Variants in CAMK4 observed in about 807,000 individuals in gnomAD.
CAMK4 encodes the protein calcium/calmodulin dependent protein kinase IV, also known as calcium/calmodulin-dependent protein kinase type IV.
In CAMK4, 22 loss-of-function variants were observed where a neutral mutation model predicts 44.9. The observed-to-expected ratio is 0.49, with a 90% CI of 0.35 to 0.70. The LOEUF is 0.70. Among genes scored for constraint, CAMK4 ranks in the 30% least tolerant of loss-of-function variants. CAMK4 has a pLI of 0.01. For synonymous variants in CAMK4, 218 were observed against 215.4 expected, an observed-to-expected ratio of 1.01 and a Z score of -0.11; for missense variants, 498 against 586.8, an observed-to-expected ratio of 0.85 and a Z score of 1.56.
chr5:111,289,007 T>A (rs1310487592), intron 1 of CAMK4, among the ~76,000 whole-genome samples: 1 of 152,176 alleles, frequency 6.6e-6, no homozygotes, highest in East Asian at 1.9e-4. Flanking sequence ...TGGGTACTGG[T>A]GGTTTAGCCT....
At chr5:111,384,524 T>C (rs1052479218) in intron 4 of CAMK4, among the ~76,000 whole-genome samples, 1 of 152,168 alleles carries the variant, frequency 6.6e-6, no homozygotes, top group Non-Finnish European at 1.5e-5. Flanking sequence ...CTACTAGGCT[T>C]CTCACCAAGT....
At chr5:111,405,500 T>G (rs1290833007) in intron 5 of CAMK4, among the ~76,000 whole-genome samples, 1 of 152,132 alleles carries the variant, frequency 6.6e-6, no homozygotes, top group East Asian at 1.9e-4. Flanking sequence ...AGACGAAGTT[T>G]ATTGTTTAAT....
chr5:111,330,078 T>G (rs1175838460), intron 1 of CAMK4, among the ~76,000 whole-genome samples: 1 of 128,514 alleles, frequency 7.8e-6, no homozygotes, highest in Non-Finnish European at 1.7e-5. Context: ...GTCCTCAGAA[T>G]TCTACTCCCC....
At chr5:111,433,032 G>T (rs374230204) in intron 5 of CAMK4, among the ~76,000 whole-genome samples, 5 of 152,246 alleles carry the variant, frequency 3.3e-5, no homozygotes, top group African/African-American at 1.2e-4. Flanking sequence ...GGGAGGCAGA[G>T]AAAATGATTC....
rs1453664072 is a variant in CAMK4 at position 111,356,306 on chromosome 5, G to T, written c.240+12204G>T. On this transcript the variant is annotated intron_variant, in intron 2 of 10. Transcript: ENST00000282356. The stretch of plus-strand genomic sequence containing the variant: ...TTTGGCTGCATAAATGTCTTCTTTT[G>T]AGAAGTGTCTGTTCATATCCTTCGC... 2.8e-4 allele frequency among the ~76,000 whole-genome samples: 42 copies of T among 151,702 alleles called. No individual in the cohort carries two copies. In the East Asian group the frequency reaches 3.9e-3, roughly 14 times the overall value.
At chr5:111,461,742 A>G (rs1471982364) in intron 7 of CAMK4, among the ~76,000 whole-genome samples, 1 of 136,966 alleles carries the variant, frequency 7.3e-6, no homozygotes, top group Non-Finnish European at 1.5e-5. Flanking sequence ...GAGACTCTAG[A>G]TGCTGGGCTC....
chr5:111,460,611 A>G (rs994373937), intron 7 of CAMK4, among the ~76,000 whole-genome samples: 1 of 152,142 alleles, frequency 6.6e-6, no homozygotes, highest in Non-Finnish European at 1.5e-5. Flanking sequence ...AGATATTTTT[A>G]TGTAATTTTA....
intron 1 of CAMK4, among the ~76,000 whole-genome samples, chr5:111,259,628 C>T (rs1335906616): frequency 6.6e-6 from 1 of 152,148 alleles, no homozygotes; most frequent in Non-Finnish European, 1.5e-5. Context: ...TGCTCCAAGT[C>T]ATTGGTGTCC....
chr5:111,443,291 C>T (rs1454979475), intron 5 of CAMK4, among the ~76,000 whole-genome samples: 167 of 130,702 alleles, frequency 1.3e-3, no homozygotes, highest in Admixed American at 3.6e-3. Context: ...CACACACACA[C>T]ACACACACAC....
intron 2 of CAMK4, among the ~76,000 whole-genome samples, chr5:111,355,790 A>G (rs1750323064): frequency 6.6e-6 from 1 of 150,494 alleles, no homozygotes; most frequent in Admixed American, 6.6e-5. Flanking sequence ...ACCGAGAATG[A>G]TGATTTCCAA....
chr5:111,465,369 G>A (rs1429799294), intron 7 of CAMK4, among the ~76,000 whole-genome samples: 2 of 151,860 alleles, frequency 1.3e-5, no homozygotes, highest in Admixed American at 1.3e-4. Context: ...AGAGCTAAAT[G>A]AAATGGAAAC....
At chr5:111,392,856 T>C in intron 4 of CAMK4, among the ~76,000 whole-genome samples, 1 of 152,162 alleles carries the variant, frequency 6.6e-6, no homozygotes, top group East Asian at 1.9e-4. Context: ...AGGTATTATA[T>C]TATACTGGAT....
chr5:111,487,463 G>T lies in CAMK4; in HGVS notation c.*2997G>T, dbSNP rs1404135031. 6.6e-6 allele frequency: 1 copy of T among 151,748 alleles called. No homozygotes were observed. Among genetic ancestry groups the T allele is most frequent in the Non-Finnish European group, 1.5e-5 (1 of 67,928 alleles). 9.4% of individuals were successfully genotyped at this position (151,748 alleles called of 1,614,324 possible). A position where few individuals can be genotyped will look rare whatever the true frequency, so the allele number is the denominator to read the frequency against. On this transcript the variant is annotated 3_prime_UTR_variant, in exon 11 of 11. Transcript: ENST00000282356. ...TAGGTAAAAATTAGAATAATATCGT[G>T]GTAGAAGTTAATTGTCCAGAACAAG...
chr5:111,246,245 A>C (rs910302737), intron 1 of CAMK4, among the ~76,000 whole-genome samples: 3 of 152,166 alleles, frequency 2.0e-5, no homozygotes, highest in Non-Finnish European at 4.4e-5. Flanking sequence ...TATTCATTTA[A>C]CACACTTTTT....
intron 5 of CAMK4, among the ~76,000 whole-genome samples, chr5:111,434,980 T>TA (rs1753594828): frequency 6.6e-6 from 1 of 152,224 alleles, no homozygotes; most frequent in African/African-American, 2.4e-5. Context: ...GAACACAGCA[T>TA]AGCTGTAATT....
rs1480645929 is a variant in CAMK4 at position 111,484,546 on chromosome 5, A to C, written c.*80A>C. On this transcript the variant is annotated 3_prime_UTR_variant, in exon 11 of 11. Coordinates refer to ENST00000282356, the MANE Select transcript of CAMK4 (RefSeq NM_001744.6). This position sits in a 1 kb window ranked among gnomAD's most constrained non-coding sequence, Gnocchi z 5.3. ...TCAGCAAGAAAGGTGTGGAAGCATG[A>C]TATGTACTATAGTGATTCTGTTTTT... The C allele has an allele frequency of 1.5e-5, 14 of 952,328 alleles. No individual in the cohort carries two copies. Among genetic ancestry groups the C allele is most frequent in the Non-Finnish European group, 2.0e-5 (13 of 654,344 alleles). The allele number at this position is 952,328 out of a possible 1,614,324, so 59.0% of individuals were successfully genotyped here. A position where few individuals can be genotyped will look rare whatever the true frequency, so the allele number is the denominator to read the frequency against.
chr5:111,453,712 C>T (rs1320550577), intron 7 of CAMK4, among the ~76,000 whole-genome samples: 1 of 152,096 alleles, frequency 6.6e-6, no homozygotes, highest in Non-Finnish European at 1.5e-5. Flanking sequence ...CCACCCAGGG[C>T]CACGCAGGAA....
chr5:111,265,153 T>C (rs141720548), intron 1 of CAMK4, among the ~76,000 whole-genome samples: 116 of 152,328 alleles, frequency 7.6e-4, no homozygotes, highest in African/African-American at 2.7e-3. Context: ...TTGCCTATTA[T>C]ATACTCTGCT....
chr5:111,260,433 G>A (rs1232806772), intron 1 of CAMK4, among the ~76,000 whole-genome samples: 1 of 152,068 alleles, frequency 6.6e-6, no homozygotes, highest in Non-Finnish European at 1.5e-5. Context: ...TTCTTCACTG[G>A]TTTCTCTTTC....
Sources: gnomAD v4.1 joint callset for allele counts (sites outside exome capture counted in the v4.1 genomes callset) on GRCh38, gnomAD v4.1.1 for gene constraint, Gnocchi (gnomAD v3.1) non-coding constraint, MANE v1.5 for transcripts, NCBI Gene and HGNC (gene_info 2026-07-23, HGNC 2026-07-21) for gene names.